The following EPB41L4A variants were observed in gnomAD, a reference collection of about 807,000 sequenced individuals.
EPB41L4A encodes the protein erythrocyte membrane protein band 4.1 like 4A, also known as band 4.1-like protein 4A.
A neutral mutation model predicts 108.6 loss-of-function variants in EPB41L4A; 100 were observed. The observed-to-expected ratio is 0.92, with a 90% CI of 0.78 to 1.09. The LOEUF (loss-of-function observed/expected upper bound fraction) is 1.09, where lower values mean the gene tolerates loss of function less well. Among genes scored for constraint, EPB41L4A ranks in the 50% least tolerant of loss-of-function variants. The probability of loss-of-function intolerance (pLI) is 0.00; values close to 1 mark genes in which losing one functional copy is unlikely to be tolerated. For missense variants in EPB41L4A, 1,030 were observed against 842.7 expected, an observed-to-expected ratio of 1.22 and a Z score of -2.75; for synonymous variants, 319 against 289.0, an observed-to-expected ratio of 1.10 and a Z score of -1.05.
At chr5:112,283,266 A>T (rs1304132255) in intron 2 of EPB41L4A, among the ~76,000 whole-genome samples, 1 of 152,216 alleles carries the variant, frequency 6.6e-6, no homozygotes, top group Non-Finnish European at 1.5e-5. Context: ...ATCTCATTTG[A>T]TCAAAATGGA....
intron 12 of EPB41L4A, among the ~76,000 whole-genome samples, chr5:112,220,920 T>C (rs1019354856): frequency 3.3e-5 from 5 of 152,202 alleles, no homozygotes; most frequent in South Asian, 4.1e-4. Context: ...GTTATTACCA[T>C]TAGAATATAC....
At chr5:112,351,175 G>A (rs894107636) in intron 1 of EPB41L4A, among the ~76,000 whole-genome samples, 2 of 152,214 alleles carry the variant, frequency 1.3e-5, no homozygotes, top group South Asian at 2.1e-4. Flanking sequence ...AAAATACAAG[G>A]AGCAATAAAA....
At position 112,399,250 on chromosome 5, in the gene EPB41L4A, G is replaced by C. The variant is rs890879068; in HGVS notation, c.99+19691C>G. On this transcript the variant is annotated intron_variant, in intron 1 of 22. Coordinates refer to ENST00000261486, the MANE Select transcript of EPB41L4A (RefSeq NM_022140.5). ...TTGCTCAGGTTGCTCCCTCTGCCTT[G>C]AACTTCTGCCTCCTGTCACCCCCAT... Among the ~76,000 whole-genome samples, 3 of 152,042 alleles carry C rather than the reference G, an allele frequency of 2.0e-5. No individual in the cohort carries two copies. In the South Asian group the frequency reaches 6.2e-4, roughly 32 times the overall value.
At chr5:112,151,794 G>A (rs1198770209) in intron 12 of EPB41L4A, among the ~76,000 whole-genome samples, 2 of 151,508 alleles carry the variant, frequency 1.3e-5, no homozygotes, top group African/African-American at 2.4e-5. Context: ...GCAATGGCAC[G>A]ATCTCAGCTC....
intron 9 of EPB41L4A, chr5:112,249,495 G>C (rs1244664694): frequency 6.6e-6 from 1 of 152,140 alleles, no homozygotes; most frequent in Non-Finnish European, 1.5e-5. Flanking sequence ...TGGTGAAACT[G>C]ACTATAGTTT....
At chr5:112,289,637 A>G (rs977125381) in intron 2 of EPB41L4A, among the ~76,000 whole-genome samples, 4 of 152,172 alleles carry the variant, frequency 2.6e-5, no homozygotes, top group African/African-American at 9.7e-5. Flanking sequence ...AAGCCAAGCA[A>G]CAACACAGAG....
intron 12 of EPB41L4A, among the ~76,000 whole-genome samples, chr5:112,156,290 C>T (rs1277015301): frequency 1.3e-5 from 2 of 152,046 alleles, no homozygotes; most frequent in Admixed American, 1.3e-4. Flanking sequence ...CATGCTGAAA[C>T]ATTAGGAGTA....
At chr5:112,146,110 C>T (rs1273230549) in intron 12 of EPB41L4A, 5 of 376,932 alleles carry the variant, frequency 1.3e-5, no homozygotes, top group African/African-American at 2.1e-5. Flanking sequence ...TAGGGTCTTA[C>T]AGAATCGAGA....
chr5:112,233,460 T>C (rs1461823234), intron 12 of EPB41L4A, among the ~76,000 whole-genome samples: 1 of 152,238 alleles, frequency 6.6e-6, no homozygotes, highest in Non-Finnish European at 1.5e-5. Context: ...GATATTTTAT[T>C]TATATACTTT....
chr5:112,268,885 G>C (rs939338595), intron 4 of EPB41L4A, among the ~76,000 whole-genome samples: 1 of 127,342 alleles, frequency 7.9e-6, no homozygotes, highest in Non-Finnish European at 1.7e-5. Context: ...CATCTGACTA[G>C]ACAATCAAAT....
At chr5:112,293,070 T>C (rs1753750541) in intron 2 of EPB41L4A, among the ~76,000 whole-genome samples, 1 of 152,198 alleles carries the variant, frequency 6.6e-6, no homozygotes, top group Non-Finnish European at 1.5e-5. Context: ...ACGTACCTGG[T>C]TGTATATACA....
At chr5:112,215,952 T>C (rs1041582503) in intron 12 of EPB41L4A, among the ~76,000 whole-genome samples, 2 of 152,186 alleles carry the variant, frequency 1.3e-5, no homozygotes, top group African/African-American at 4.8e-5. Context: ...CACACACAAT[T>C]CCCTGTGGTT....
At chr5:112,339,272 G>A (rs1757111471) in intron 1 of EPB41L4A, among the ~76,000 whole-genome samples, 1 of 151,908 alleles carries the variant, frequency 6.6e-6, no homozygotes, top group Non-Finnish European at 1.5e-5. Flanking sequence ...AACAGTGTCA[G>A]GCTCCTTGAC....
chr5:112,297,539 G>C (rs935808001), intron 2 of EPB41L4A, among the ~76,000 whole-genome samples: 10 of 152,146 alleles, frequency 6.6e-5, no homozygotes, highest in Non-Finnish European at 1.5e-5. Flanking sequence ...TTAGTCCCTT[G>C]TCAGATATAT....
At chr5:112,232,165 G>A (rs139188632) in intron 12 of EPB41L4A, among the ~76,000 whole-genome samples, 1 of 151,556 alleles carries the variant, frequency 6.6e-6, no homozygotes, top group Admixed American at 6.6e-5. Context: ...ACCTGATGCT[G>A]GGAGGCTGTC....
At chr5:112,254,317 C>T (rs1197434812) in intron 9 of EPB41L4A, among the ~76,000 whole-genome samples, 2 of 152,098 alleles carry the variant, frequency 1.3e-5, no homozygotes, top group African/African-American at 2.4e-5. Flanking sequence ...ATTTAACCTC[C>T]TAAATGCTTC....
chr5:112,361,475 G>A lies in EPB41L4A; in HGVS notation c.100-53985C>T, dbSNP rs1758756559. ...CCCTCCACTATTGTCCTATGACCCT[G>A]CCAAATCCCCCTCTCCGAGAAACAC... On this transcript the variant is annotated intron_variant, in intron 1 of 22. Transcript: ENST00000261486. 3.4e-5 allele frequency among the ~76,000 whole-genome samples: 5 copies of A among 148,984 alleles called. 1 individual carries two copies. In the South Asian group the frequency reaches 1.1e-3, roughly 32 times the overall value.
In EPB41L4A at chr5:112,163,042, C is replaced by A. The variant is rs1165458941; in HGVS notation, c.*1948G>T. The A allele has an allele frequency of 1.3e-5, 2 of 152,148 alleles. No individual in the cohort carries two copies. Among genetic ancestry groups the A allele is most frequent in the Non-Finnish European group, 2.9e-5 (2 of 68,028 alleles). The allele number at this position is 152,148 out of a possible 1,614,324, so 9.4% of individuals were successfully genotyped here. A position where few individuals can be genotyped will look rare whatever the true frequency, so the allele number is the denominator to read the frequency against. On this transcript the variant is annotated 3_prime_UTR_variant, in exon 23 of 23. Coordinates refer to ENST00000261486, the MANE Select transcript of EPB41L4A (RefSeq NM_022140.5). ...GAAGAGGTAGGTAAAGAAGCCAGAC[C>A]ACTTCAGGCTCCCTCTGGCTTTATT...
chr5:112,339,512 A>C lies in EPB41L4A; in HGVS notation c.100-32022T>G, dbSNP rs1403551448. On this transcript the variant is annotated intron_variant, in intron 1 of 22. Transcript: ENST00000261486. The stretch of plus-strand genomic sequence containing the variant: ...TATATATATCTATATATATATATAG[A>C]TATATAGATATATATCTATATATAT... 1.1e-3 allele frequency among the ~76,000 whole-genome samples: 51 copies of C among 45,976 alleles called. 1 individual carries two copies. The highest frequency in any genetic ancestry group is 3.0e-3 in the African/African-American group (31 of 10,422). 30.2% of individuals were successfully genotyped at this position (45,976 alleles called of 152,430 possible). A position where few individuals can be genotyped will look rare whatever the true frequency, so the allele number is the denominator to read the frequency against.
Sources: gnomAD v4.1 joint callset for allele counts (sites outside exome capture counted in the v4.1 genomes callset) on GRCh38, gnomAD v4.1.1 for gene constraint, MANE v1.5 for transcripts, NCBI Gene and HGNC (gene_info 2026-07-23, HGNC 2026-07-21) for gene names.